AGMO: variants seen among roughly 807,000 people sequenced by gnomAD.
The protein encoded by AGMO is alkylglycerol monooxygenase.
AGMO carries 75 observed loss-of-function variants against 60.2 expected under a neutral mutation model. The observed-to-expected ratio is 1.25, with a 90% confidence interval of 1.03 to 1.51. AGMO has a LOEUF of 1.51. AGMO is among the 40% of genes most tolerant of loss of function. The pLI, the probability that AGMO is intolerant of heterozygous loss-of-function variation, is 0.00. For missense variants in AGMO, 763 were observed against 525.5 expected (o/e 1.45, Z -4.42); for synonymous variants, 261 against 177.1 (o/e 1.47, Z -3.76).
chr7:15,482,268 GCTGT>G (rs1405090096), intron 3 of AGMO, among the ~76,000 whole-genome samples: 3 of 151,710 alleles, frequency 2.0e-5, no homozygotes, highest in South Asian at 2.1e-4. Context: ...CACTAACAAG[GCTGT>G]CTAAGAAAAT....
chr7:15,298,496 G>T (rs960586653), intron 12 of AGMO, among the ~76,000 whole-genome samples: 6 of 152,224 alleles, frequency 3.9e-5, no homozygotes, highest in African/African-American at 1.4e-4. Context: ...CTGGGCTCAG[G>T]TGATCCTCTC....
chr7:15,350,234 A>T (rs988189953), intron 12 of AGMO, among the ~76,000 whole-genome samples: 1 of 152,216 alleles, frequency 6.6e-6, no homozygotes, highest in African/African-American at 2.4e-5. Flanking sequence ...ACCAAGCATG[A>T]AGGATATTAT....
At chr7:15,510,757 G>A (rs911920880) in intron 3 of AGMO, among the ~76,000 whole-genome samples, 7 of 149,764 alleles carry the variant, frequency 4.7e-5, no homozygotes, top group Non-Finnish European at 7.4e-5. Context: ...TCTACTTAAC[G>A]TTATTGACAG....
intron 10 of AGMO, among the ~76,000 whole-genome samples, chr7:15,382,904 TTATG>T (rs374559902): frequency 3.7e-4 from 56 of 152,268 alleles, no homozygotes; most frequent in African/African-American, 1.3e-3. Flanking sequence ...AATCACGTAT[TTATG>T]TGTGATAACA....
At chr7:15,188,613 A>G in the AGMO span, among the ~76,000 whole-genome samples, 1 of 152,170 alleles carries the variant, frequency 6.6e-6, no homozygotes, top group Non-Finnish European at 1.5e-5. Flanking sequence ...GAGTATAGAC[A>G]ATTAAGAATT....
chr7:15,555,303 A>G (rs961089477), intron 2 of AGMO, among the ~76,000 whole-genome samples: 2 of 124,430 alleles, frequency 1.6e-5, no homozygotes, highest in African/African-American at 4.1e-5. Context: ...ACACACACAC[A>G]CACACACACA....
At chr7:15,132,265 T>A in the AGMO span, among the ~76,000 whole-genome samples, 2 of 152,186 alleles carry the variant, frequency 1.3e-5, no homozygotes, top group Admixed American at 6.6e-5. Context: ...TGTTAGCATT[T>A]AAATGAAATA....
chr7:15,476,763 C>T (rs368222318), intron 3 of AGMO, among the ~76,000 whole-genome samples: 7 of 152,070 alleles, frequency 4.6e-5, no homozygotes, highest in Non-Finnish European at 7.4e-5. Context: ...TTATGAAACA[C>T]GGGTAAAACA....
At chr7:15,504,295 G>T (rs1286658662) in intron 3 of AGMO, among the ~76,000 whole-genome samples, 1 of 151,862 alleles carries the variant, frequency 6.6e-6, no homozygotes, top group African/African-American at 2.4e-5. Context: ...ACTTTATAAA[G>T]ATAAATGTGA....
Position 15,531,020 on chromosome 7 carries a change from A to G in AGMO, c.409+13752T>C, listed in dbSNP as rs187035262. 1.1e-4 allele frequency among the ~76,000 whole-genome samples: 10 copies of G among 88,574 alleles called. 1 individual carries two copies. Among genetic ancestry groups the G allele is most frequent in the East Asian group, 3.8e-4 (1 of 2,610 alleles). 58.1% of individuals were successfully genotyped at this position (88,574 alleles called of 152,430 possible). ...ATTCTATATATTCTATATATATTCTATATATTCCATATATATTCTATATAT... is the reference window on the plus strand; with the variant it reads ...ATTCTATATATTCTATATATATTCTGTATATTCCATATATATTCTATATAT... On this transcript the variant is annotated intron_variant, in intron 3 of 12. Coordinates refer to ENST00000342526, the MANE Select transcript of AGMO (RefSeq NM_001004320.2).
intron 12 of AGMO, among the ~76,000 whole-genome samples, chr7:15,244,705 G>A (rs1252598577): frequency 6.6e-6 from 1 of 152,044 alleles, no homozygotes; most frequent in East Asian, 1.9e-4. Context: ...AGGCTGGAGT[G>A]CAGTGGCGCG....
chr7:15,338,845 A>T (rs1315448085), intron 12 of AGMO, among the ~76,000 whole-genome samples: 4 of 151,872 alleles, frequency 2.6e-5, no homozygotes, highest in African/African-American at 9.7e-5. Flanking sequence ...TCATCAAAAT[A>T]AAAACTACCC....
intron 3 of AGMO, among the ~76,000 whole-genome samples, chr7:15,534,561 C>T (rs1784441988): frequency 6.6e-6 from 1 of 151,854 alleles, no homozygotes. Context: ...TGTCAATGGT[C>T]TCTGTGACAA....
chr7:15,492,376 A>AC (rs1023075892), intron 3 of AGMO, among the ~76,000 whole-genome samples: 3 of 144,054 alleles, frequency 2.1e-5, no homozygotes, highest in African/African-American at 7.6e-5. Context: ...AAAAAAAAAA[A>AC]CATTAATAAT....
chr7:15,348,907 TAAA>T (rs200209652), intron 12 of AGMO, among the ~76,000 whole-genome samples: 1 of 152,088 alleles, frequency 6.6e-6, no homozygotes, highest in African/African-American at 2.4e-5. Context: ...GTGTCACTAA[TAAA>T]AAAGTAGAAA....
the AGMO span, among the ~76,000 whole-genome samples, chr7:15,130,130 T>G: frequency 1.3e-5 from 2 of 152,278 alleles, no homozygotes; most frequent in Non-Finnish European, 2.9e-5. Flanking sequence ...AGTTTTATTT[T>G]ATTATAGTTA....
At chr7:15,406,376 A>G (rs1784691480) in intron 5 of AGMO, among the ~76,000 whole-genome samples, 2 of 142,972 alleles carry the variant, frequency 1.4e-5, no homozygotes, top group Non-Finnish European at 3.0e-5. Flanking sequence ...ACACATACAT[A>G]TGAATATACA....
At chr7:15,271,889 T>G (rs149869309) in intron 12 of AGMO, among the ~76,000 whole-genome samples, 23 of 152,284 alleles carry the variant, frequency 1.5e-4, no homozygotes, top group African/African-American at 4.6e-4. Context: ...ATGCCAAATT[T>G]TATTGAATGC....
chr7:15,207,802 C>T lies in AGMO; in HGVS notation c.1264-6443G>A, dbSNP rs553589432. Among the ~76,000 whole-genome samples, 8 of 152,176 alleles carry T rather than the reference C, an allele frequency of 5.3e-5. No individual in the cohort carries two copies. The East Asian group carries it at 1.2e-3, about 22-fold the overall frequency. On this transcript the variant is annotated intron_variant, in intron 12 of 12. Coordinates refer to ENST00000342526, the MANE Select transcript of AGMO (RefSeq NM_001004320.2). ...ACAAAAAATTAGCCGGGCTTGGTGG[C>T]GGGCACCTGTAGTCCCAGCTACTCG...
Sources: allele counts gnomAD v4.1 joint callset (sites outside exome capture counted in the v4.1 genomes callset), GRCh38; gene constraint gnomAD v4.1.1; transcripts MANE v1.5; gene names NCBI Gene and HGNC (gene_info 2026-07-23, HGNC 2026-07-21).